Variants in ALG1L2 observed in about 807,000 individuals in gnomAD.
ALG1L2 encodes ALG1 chitobiosyldiphosphodolichol beta-mannosyltransferase like 2, also known as putative glycosyltransferase ALG1L2.
ALG1L2 carries 32 observed loss-of-function variants against 29.0 expected under a neutral mutation model. That is an observed-to-expected ratio of 1.10 (90% CI 0.83 to 1.48). The LOEUF (loss-of-function observed/expected upper bound fraction) is 1.48. Among genes scored for constraint, ALG1L2 ranks in the 40% most tolerant of loss-of-function variants. The pLI is 0.00. For missense variants in ALG1L2, 318 were observed against 274.1 expected (o/e 1.16, Z -1.13); for synonymous variants, 110 against 109.5 (o/e 1.00, Z -0.03).
chr3:130,097,396 G>T (rs962838984), intron 7 of ALG1L2, 146 bp downstream of exon 7: 3 of 1,343,638 alleles, frequency 2.2e-6, no homozygotes, highest in East Asian at 2.5e-5. Flanking sequence ...AGTCACAGAG[G>T]CTGGCCTACT....
At position 130,082,046 on chromosome 3, in the gene ALG1L2, G is replaced by C. The variant is rs1298797068; in HGVS notation, c.20+10G>C. ...GAGCTACTGCAGGCTGGTAAGCAGG[G>C]GGGTGGTGCTGGTTGGATTGCAATG... On this transcript the variant is annotated intron_variant, in intron 1 of 7. Coordinates refer to ENST00000425059, the MANE Select transcript of ALG1L2 (RefSeq NM_001136152.1). The C allele has an allele frequency of 6.7e-7, 1 of 1,500,128 alleles. No individual in the cohort carries two copies. The highest frequency in any genetic ancestry group is 9.1e-7 in the Non-Finnish European group (1 of 1,103,700). The allele number at this position is 1,500,128 out of a possible 1,614,324, so 92.9% of individuals were successfully genotyped here. A position where few individuals can be genotyped will look rare whatever the true frequency, so the allele number is the denominator to read the frequency against.
chr3:130,092,316 C>G, intron 3 of ALG1L2, 94 bp downstream of exon 3: 2 of 1,590,528 alleles, frequency 1.3e-6, no homozygotes, highest in Admixed American at 3.5e-5. Flanking sequence ...ATGCCCCAAC[C>G]CCACCACGGT....
At chr3:130,095,193 G>A (rs1935103784) in intron 5 of ALG1L2, among the ~76,000 whole-genome samples, 1 of 151,946 alleles carries the variant, frequency 6.6e-6, no homozygotes, top group Non-Finnish European at 1.5e-5. Flanking sequence ...ACAACACCTT[G>A]CTTATTTTTG....
chr3:130,088,635 C>T (rs1934944532), intron 1 of ALG1L2, among the ~76,000 whole-genome samples: 1 of 152,276 alleles, frequency 6.6e-6, no homozygotes, highest in Admixed American at 6.5e-5. Context: ...CCAGGCTGGT[C>T]TCAAACTCCC....
chr3:130,092,052 C>T lies in ALG1L2; in HGVS notation c.132-49C>T, dbSNP rs756306893. ...ATGGCAGGAGATGCCCGTTCTGGGT[C>T]CTGGGCCTGCTCTGTGGCCTCTCAC... On this transcript the variant is annotated intron_variant, in intron 2 of 7. Transcript: ENST00000425059. 2.5e-6 allele frequency: 4 copies of T among 1,604,182 alleles called. No homozygotes were observed. In the South Asian group the frequency reaches 4.5e-5, roughly 18 times the overall value.
At chr3:130,097,986 G>T (rs568971452) in intron 7 of ALG1L2, among the ~76,000 whole-genome samples, 1 of 152,256 alleles carries the variant, frequency 6.6e-6, no homozygotes. Context: ...CGTACATCAT[G>T]TAGAGGCCGG....
intron 1 of ALG1L2, 171 bp from the exon 2 acceptor site, chr3:130,091,090 C>T (rs145613693): frequency 2.6e-4 from 163 of 631,970 alleles, no homozygotes; most frequent in Non-Finnish European, 3.7e-4. Flanking sequence ...CCCTTTCATT[C>T]GGTGATTCCT....
chr3:130,082,737 G>A (rs73866080), intron 1 of ALG1L2, among the ~76,000 whole-genome samples: 1 of 147,574 alleles, frequency 6.8e-6, no homozygotes, highest in African/African-American at 2.4e-5. Flanking sequence ...CCTTGCCACC[G>A]CACTCCCCAT....
intron 1 of ALG1L2, among the ~76,000 whole-genome samples, chr3:130,087,336 T>C (rs1478502366): frequency 6.7e-6 from 1 of 149,002 alleles, no homozygotes; most frequent in Non-Finnish European, 1.5e-5. Context: ...CGTCTTGCGT[T>C]CTTCAAGAAT....
intron 2 of ALG1L2, chr3:130,091,830 C>G (rs932178153): frequency 2.9e-6 from 2 of 678,784 alleles, no homozygotes; most frequent in South Asian, 3.0e-5. Context: ...GTCCTAGCAC[C>G]CTCATCTTGG....
At chr3:130,086,983 A>G (rs75032764) in intron 1 of ALG1L2, among the ~76,000 whole-genome samples, 1 of 150,950 alleles carries the variant, frequency 6.6e-6, no homozygotes, top group South Asian at 2.1e-4. Context: ...CAGGTTCCAG[A>G]ACCTTCCTTT....
chr3:130,083,548 T>A (rs1934830310), intron 1 of ALG1L2, among the ~76,000 whole-genome samples: 1 of 131,018 alleles, frequency 7.6e-6, no homozygotes, highest in African/African-American at 2.6e-5. Context: ...AAAGTACAAA[T>A]TACGTCATTT....
At chr3:130,096,448 A>G (rs931179574) in intron 6 of ALG1L2, among the ~76,000 whole-genome samples, 1 of 152,164 alleles carries the variant, frequency 6.6e-6, no homozygotes, top group Non-Finnish European at 1.5e-5. Flanking sequence ...AGTATGAAAA[A>G]AAAAAAGCAC....
At chr3:130,088,001 A>C (rs1231730779) in intron 1 of ALG1L2, among the ~76,000 whole-genome samples, 1 of 152,310 alleles carries the variant, frequency 6.6e-6, no homozygotes, top group Non-Finnish European at 1.5e-5. Context: ...CATTGGGTTG[A>C]CAGGAAAGTT....
chr3:130,090,809 C>T (rs947706542), intron 1 of ALG1L2: 12 of 170,852 alleles, frequency 7.0e-5, no homozygotes, highest in Non-Finnish European at 1.4e-4. Flanking sequence ...CCAGAAGGTT[C>T]CAGAAGGTTC....
chr3:130,091,260 G>T lies in ALG1L2; in HGVS notation c.21-1G>T. The T allele has an allele frequency of 6.3e-7, 1 of 1,598,892 alleles. No individual in the cohort carries two copies. The highest frequency in any genetic ancestry group is 8.5e-7 in the Non-Finnish European group (1 of 1,179,434). On this transcript the variant is annotated splice_acceptor_variant, in intron 1 of 7. Transcript: ENST00000425059. LOFTEE classifies it high-confidence loss of function. ...ATAGCCCTGCCATGATTTCATTGCA[G>T]GGCTGTGACCGTCTACGACAAGCCG... is the stretch of plus-strand genomic sequence containing the variant.
chr3:130,092,432 G>T (rs1935038108), intron 3 of ALG1L2, among the ~76,000 whole-genome samples: 1 of 152,206 alleles, frequency 6.6e-6, no homozygotes, highest in South Asian at 2.1e-4. Flanking sequence ...TATCTTGCTG[G>T]CAGCTTTAGA....
At chr3:130,086,455 C>T (rs1244765876) in intron 1 of ALG1L2, among the ~76,000 whole-genome samples, 1 of 150,770 alleles carries the variant, frequency 6.6e-6, no homozygotes, top group African/African-American at 2.4e-5. Flanking sequence ...TCCCTTGAAG[C>T]CAAGAGTCCA....
At chr3:130,094,815 G>A (rs376578734) in intron 5 of ALG1L2, among the ~76,000 whole-genome samples, 4 of 152,354 alleles carry the variant, frequency 2.6e-5, no homozygotes, top group East Asian at 3.9e-4. Flanking sequence ...GGCCACTGTT[G>A]CCCAGGTGTG....
Sources: gnomAD v4.1 joint callset for allele counts (sites outside exome capture counted in the v4.1 genomes callset) on GRCh38, gnomAD v4.1.1 for gene constraint, MANE v1.5 for transcripts, NCBI Gene and HGNC (gene_info 2026-07-23, HGNC 2026-07-21) for gene names.